Variants in RBFOX1 observed in about 807,000 individuals in gnomAD.
The protein encoded by RBFOX1 is RNA binding fox-1 homolog 1.
A neutral mutation model predicts 57.7 loss-of-function variants in RBFOX1; 8 were observed. The observed-to-expected ratio is 0.14, with a 90% CI of 0.08 to 0.25. RBFOX1 has a LOEUF of 0.25. Among genes scored for constraint, RBFOX1 ranks in the 10% least tolerant of loss-of-function variants. The pLI is 1.00. For missense variants in RBFOX1, 611 were observed against 548.5 expected (o/e 1.11, Z -1.14); for synonymous variants, 326 against 222.4 (o/e 1.47, Z -4.15).
At chr16:5,601,501 C>A (rs976824201), downstream of RBFOX1, 10 of 152,198 alleles carry the variant, frequency 6.6e-5, no homozygotes, top group African/African-American at 2.2e-4. Context: ...ATCAGTCATA[C>A]AACGGAATCC....
chr16:7,322,985 C>T (rs1331620206), intron 4 of RBFOX1, among the ~76,000 whole-genome samples: 1 of 151,986 alleles, frequency 6.6e-6, no homozygotes, highest in African/African-American at 2.4e-5. Context: ...TGTAGGTCAG[C>T]TCTTCTCCAG....
Position 6,796,147 on chromosome 16 carries a change from A to G in RBFOX1, c.-16+141497A>G, listed in dbSNP as rs148797878. On this transcript the variant is annotated intron_variant, in intron 3 of 15. Coordinates refer to ENST00000550418, the MANE Select transcript of RBFOX1 (RefSeq NM_018723.4). ...GCGGAAGGTGAAAGGTATGTCTCAC[A>G]TGGTGGCGGACAAGAGAAGAGAGCT... Among the ~76,000 whole-genome samples, 192 of 152,242 alleles carry G rather than the reference A, an allele frequency of 1.3e-3. 2 individuals are homozygous for G. The East Asian group carries it at 0.032, about 25-fold the overall frequency.
chr16:7,118,468 T>C (rs930932376), intron 4 of RBFOX1, among the ~76,000 whole-genome samples: 2 of 152,076 alleles, frequency 1.3e-5, no homozygotes, highest in Admixed American at 1.3e-4. Context: ...AAATTACCTA[T>C]CGGGTACAAG....
At chr16:7,092,767 A>G (rs1002204640) in intron 4 of RBFOX1, among the ~76,000 whole-genome samples, 2 of 152,332 alleles carry the variant, frequency 1.3e-5, no homozygotes, top group Middle Eastern at 3.4e-3. Flanking sequence ...GCTTGTTAAT[A>G]TTAATCACCT....
chr16:7,306,751 C>T (rs1346996219), intron 4 of RBFOX1, among the ~76,000 whole-genome samples: 1 of 152,114 alleles, frequency 6.6e-6, no homozygotes, highest in African/African-American at 2.4e-5. Context: ...TCTGTCCTGG[C>T]CATTACTGTC....
intron 4 of RBFOX1, among the ~76,000 whole-genome samples, chr16:7,256,258 G>C (rs145783430): frequency 1.7e-3 from 255 of 152,276 alleles, no homozygotes; most frequent in African/African-American, 5.9e-3. Context: ...GCTCCCAAAA[G>C]CCAGGCCTCT....
chr16:5,548,174 A>ATATATATAT (rs1282445806), intron 2 of RBFOX1, among the ~76,000 whole-genome samples: 76 of 33,518 alleles, frequency 2.3e-3, no homozygotes, highest in Non-Finnish European at 3.4e-3. Context: ...AAAAAAAAAA[A>ATATATATAT]ATATATATAT....
downstream of RBFOX1, among the ~76,000 whole-genome samples, chr16:5,603,199 T>G (rs963419875): frequency 6.6e-6 from 1 of 152,182 alleles, no homozygotes; most frequent in Non-Finnish European, 1.5e-5. Flanking sequence ...TTGCCAGCAT[T>G]CAGAATAAAA....
chr16:7,405,878 TG>T (rs1257032567), intron 4 of RBFOX1, among the ~76,000 whole-genome samples: 1 of 152,178 alleles, frequency 6.6e-6, no homozygotes, highest in African/African-American at 2.4e-5. Flanking sequence ...CTCAGGCAGT[TG>T]TGGCTCTGTG....
intron 4 of RBFOX1, among the ~76,000 whole-genome samples, chr16:7,373,406 A>G (rs2097610725): frequency 6.6e-6 from 1 of 152,174 alleles, no homozygotes; most frequent in African/African-American, 2.4e-5. Context: ...GAGATGGGAA[A>G]TGGAGGGCAG....
intron 1 of RBFOX1, among the ~76,000 whole-genome samples, chr16:6,118,035 C>T (rs895649947): frequency 6.6e-6 from 1 of 152,182 alleles, no homozygotes; most frequent in Non-Finnish European, 1.5e-5. Context: ...GATAATTTTG[C>T]ACTTTCATAA....
intron 2 of RBFOX1, among the ~76,000 whole-genome samples, chr16:5,533,040 T>C (rs1448032742): frequency 1.3e-5 from 2 of 152,104 alleles, no homozygotes; most frequent in Non-Finnish European, 2.9e-5. Flanking sequence ...TATATGAGAA[T>C]GCATTGGAGG....
chr16:7,265,584 G>T (rs535312560), intron 4 of RBFOX1, among the ~76,000 whole-genome samples: 1 of 152,194 alleles, frequency 6.6e-6, no homozygotes, highest in South Asian at 2.1e-4. Context: ...GAGTAGCTAG[G>T]ATTACAGGCA....
At chr16:6,319,289 A>C (rs2081479442) in intron 2 of RBFOX1, among the ~76,000 whole-genome samples, 1 of 152,162 alleles carries the variant, frequency 6.6e-6, no homozygotes, top group East Asian at 1.9e-4. Flanking sequence ...TCCTGCTTCC[A>C]AAATTTGGTT....
At chr16:6,529,402 T>C (rs1214975353) in intron 2 of RBFOX1, among the ~76,000 whole-genome samples, 3 of 151,764 alleles carry the variant, frequency 2.0e-5, no homozygotes, top group Admixed American at 1.3e-4. Flanking sequence ...CTACTAAAAA[T>C]ACAAAAATCA....
chr16:7,541,903 A>G (rs1451681662), intron 5 of RBFOX1, among the ~76,000 whole-genome samples: 1 of 152,214 alleles, frequency 6.6e-6, no homozygotes, highest in Non-Finnish European at 1.5e-5. Context: ...ATGCCTGCAA[A>G]GAAGTCTTGG....
chr16:6,382,697 T>A (rs953721230), intron 2 of RBFOX1, among the ~76,000 whole-genome samples: 5 of 152,010 alleles, frequency 3.3e-5, no homozygotes, highest in African/African-American at 9.7e-5. Flanking sequence ...CCATCTTTAC[T>A]AAAAATACAA....
At chr16:6,263,679 G>A (rs1010575314) in intron 1 of RBFOX1, among the ~76,000 whole-genome samples, 1 of 152,124 alleles carries the variant, frequency 6.6e-6, no homozygotes, top group Non-Finnish European at 1.5e-5. Flanking sequence ...TGGCATGGTA[G>A]TTGCTCCATT....
intron 1 of RBFOX1, among the ~76,000 whole-genome samples, chr16:6,253,439 A>T (rs8051084): frequency 0.56 from 85,407 of 151,970 alleles, 27,504 homozygotes; most frequent in East Asian, 0.81. Flanking sequence ...CTGATGTCTG[A>T]CTCAGGTGAG....
Sources: allele counts gnomAD v4.1 joint callset (sites outside exome capture counted in the v4.1 genomes callset), GRCh38; gene constraint gnomAD v4.1.1; transcripts MANE v1.5; gene names NCBI Gene and HGNC (gene_info 2026-07-23, HGNC 2026-07-21).